CAMSAP1: variants seen among roughly 807,000 people sequenced by gnomAD.
The protein encoded by CAMSAP1 is calmodulin-regulated spectrin-associated protein 1.
In CAMSAP1, 58 loss-of-function variants were observed where a neutral mutation model predicts 143.5. That is an observed-to-expected ratio of 0.40 (90% CI 0.33 to 0.50). The LOEUF is 0.50. CAMSAP1 is among the 20% of genes least tolerant of loss of function. The pLI is 0.45. For missense variants in CAMSAP1, 1,969 were observed against 2,115.7 expected (o/e 0.93, Z 1.36); for synonymous variants, 945 against 859.3 (o/e 1.10, Z -1.74).
chr9:135,885,550 T>G (rs1464718713), intron 1 of CAMSAP1, among the ~76,000 whole-genome samples: 7 of 152,140 alleles, frequency 4.6e-5, no homozygotes, highest in African/African-American at 7.2e-5. Flanking sequence ...CCAGGGAGAA[T>G]GGCAGAGCCT....
At chr9:135,815,418 A>C (rs1157257417) in intron 15 of CAMSAP1, among the ~76,000 whole-genome samples, 1 of 152,256 alleles carries the variant, frequency 6.6e-6, no homozygotes, top group Admixed American at 6.5e-5. Flanking sequence ...CTAAAGACAA[A>C]GTAATCAATA....
intron 7 of CAMSAP1, chr9:135,836,751 A>G (rs1588459122): frequency 1.0e-6 from 1 of 974,450 alleles, no homozygotes; most frequent in Non-Finnish European, 1.2e-6. Flanking sequence ...ACAGCCACAC[A>G]TTGTCACGTA....
At chr9:135,862,901 A>G (rs1837248802) in intron 4 of CAMSAP1, among the ~76,000 whole-genome samples, 1 of 152,178 alleles carries the variant, frequency 6.6e-6, no homozygotes, top group Non-Finnish European at 1.5e-5. Flanking sequence ...GGCTGCCACT[A>G]GTGCAGGCAC....
Position 135,907,507 on chromosome 9 carries a change from A to ACAGCGG in CAMSAP1, c.-354_-349dup, listed in dbSNP as rs1838825728. ...TCCCGGGTGAGCGGCGGCGGCGGCG[A>ACAGCGG]CAGCGGCTGAGGCGGTGGCCAAGGA... On this transcript the variant is annotated 5_prime_UTR_variant, in exon 1 of 17. Coordinates refer to ENST00000389532, the MANE Select transcript of CAMSAP1 (RefSeq NM_015447.4). Among the ~76,000 whole-genome samples, 1 of 144,876 alleles carries ACAGCGG rather than the reference A, an allele frequency of 6.9e-6. No individual in the cohort carries two copies. The highest frequency in any genetic ancestry group is 1.5e-5 in the Non-Finnish European group (1 of 65,610).
At position 135,818,680 on chromosome 9, in the gene CAMSAP1, C is replaced by T; in HGVS notation, c.3960-64G>A. 4 of 1,548,188 alleles carry T rather than the reference C, an allele frequency of 2.6e-6. No individual in the cohort carries two copies. The highest frequency in any genetic ancestry group is 3.5e-6 in the Non-Finnish European group (4 of 1,140,328). On this transcript the variant is annotated intron_variant, in intron 12 of 16. Transcript: ENST00000389532. The surrounding 1 kb of genome is among the most constrained non-coding windows in gnomAD (Gnocchi z 7.7). ...GGCTTCTTCCACGACGCCTGCGCCG[C>T]GGCGCTCTGTCCAGGCGCGTTTCTC...
At position 135,875,640 on chromosome 9, in the gene CAMSAP1, T is replaced by C. The variant is rs1407618098; in HGVS notation, c.585+5993A>G. 2.0e-5 allele frequency among the ~76,000 whole-genome samples: 3 copies of C among 152,200 alleles called. No individual in the cohort carries two copies. In the East Asian group the frequency reaches 5.8e-4, roughly 29 times the overall value. On this transcript the variant is annotated intron_variant, in intron 3 of 16. Coordinates refer to ENST00000389532, the MANE Select transcript of CAMSAP1 (RefSeq NM_015447.4). ...GAATCCAGAAACAGACTCACATATA[T>C]GTGGTTTACTGATTGTCAACAAAGA...
chr9:135,900,342 T>C (rs1339170667), intron 1 of CAMSAP1, among the ~76,000 whole-genome samples: 3 of 152,052 alleles, frequency 2.0e-5, no homozygotes, highest in African/African-American at 4.8e-5. Flanking sequence ...AAGTTTAATT[T>C]TGACTAGTTG....
At chr9:135,859,276 G>A (rs1246556349) in intron 5 of CAMSAP1, among the ~76,000 whole-genome samples, 4 of 152,222 alleles carry the variant, frequency 2.6e-5, no homozygotes, top group African/African-American at 4.8e-5. Context: ...AGTGGCTGGT[G>A]CACTGGATGA....
In CAMSAP1 at chr9:135,819,068, C is replaced by A; in HGVS notation, c.3901G>T (p.Ala1301Ser). Residue 1301 changes from alanine (A) to serine (S), a missense_variant, in exon 12 of 17, where the codon GCC becomes TCC. Ala to Ser is a moderately conservative substitution (Grantham distance 99, BLOSUM62 1). Coordinates refer to ENST00000389532, the MANE Select transcript of CAMSAP1 (RefSeq NM_015447.4). ...TCCAGCTGCTGCTTGCGCACGCGGG[C>A]CTCCTCGGCCTTGCGCTGCTGCTTC... Reference protein sequence around the residue: ...LLKQQRKAEEARVRKQQLEAE... With the variant: ...LLKQQRKAEESRVRKQQLEAE... The A allele has an allele frequency of 6.2e-7, 1 of 1,605,108 alleles. No homozygotes were observed. The highest frequency in any genetic ancestry group is 8.5e-7 in the Non-Finnish European group (1 of 1,177,486).
At chr9:135,866,934 A>G (rs1271390162) in intron 3 of CAMSAP1, among the ~76,000 whole-genome samples, 1 of 152,384 alleles carries the variant, frequency 6.6e-6, no homozygotes, top group South Asian at 2.1e-4. Context: ...AACTTGTGAC[A>G]GGATGGGTCA....
chr9:135,895,007 G>A (rs1291808903), intron 1 of CAMSAP1, among the ~76,000 whole-genome samples: 1 of 152,170 alleles, frequency 6.6e-6, no homozygotes, highest in African/African-American at 2.4e-5. Flanking sequence ...GATGACAGAA[G>A]ACAGAATCAT....
chr9:135,854,202 T>C (rs1438469974), intron 5 of CAMSAP1, among the ~76,000 whole-genome samples: 1 of 152,172 alleles, frequency 6.6e-6, no homozygotes, highest in Non-Finnish European at 1.5e-5. Context: ...CTGAGTCCGT[T>C]TCCTTTGTAG....
chr9:135,812,317 T>C (rs979010856), intron 16 of CAMSAP1, among the ~76,000 whole-genome samples: 2 of 152,012 alleles, frequency 1.3e-5, no homozygotes, highest in African/African-American at 4.8e-5. Flanking sequence ...GAGCATGCAA[T>C]GGAGCATTAC....
intron 3 of CAMSAP1, among the ~76,000 whole-genome samples, chr9:135,867,983 A>G (rs1360449160): frequency 1.3e-5 from 2 of 152,224 alleles, no homozygotes; most frequent in Non-Finnish European, 2.9e-5. Flanking sequence ...TGGAGCAAGA[A>G]CCCAGTCCCA....
chr9:135,850,207 C>T lies in CAMSAP1; in HGVS notation c.975G>A (p.Glu325=). Residue 325 remains glutamate, a synonymous_variant, in exon 7 of 17, where the codon GAG becomes GAA. Coordinates refer to ENST00000389532, the MANE Select transcript of CAMSAP1 (RefSeq NM_015447.4). ...TGACATTCTCGAACCACCAAAAAAG[C>T]TCCGCAATAAAAACCATAACATTCG... The part of the protein sequence containing the change: ...LKPNVMVFIA[E]LFWWFENVKP... The T allele has an allele frequency of 6.2e-7, 1 of 1,612,998 alleles. No individual in the cohort carries two copies. The highest frequency in any genetic ancestry group is 8.5e-7 in the Non-Finnish European group (1 of 1,179,518).
At chr9:135,836,689 A>G (rs1295857789) in intron 7 of CAMSAP1, 4 of 940,518 alleles carry the variant, frequency 4.3e-6, no homozygotes, top group East Asian at 1.4e-4. Context: ...GTCACCACGC[A>G]CTTCTACCCT....
At chr9:135,855,568 A>G (rs1049227731) in intron 5 of CAMSAP1, among the ~76,000 whole-genome samples, 3 of 151,130 alleles carry the variant, frequency 2.0e-5, no homozygotes, top group East Asian at 2.0e-4. Context: ...GCGAAACCCC[A>G]TCTCTACTAA....
At chr9:135,819,543 A>T (rs1196938162) in intron 11 of CAMSAP1, among the ~76,000 whole-genome samples, 3 of 152,032 alleles carry the variant, frequency 2.0e-5, no homozygotes, top group Admixed American at 2.0e-4. Context: ...TATTAAAAAT[A>T]CAAAAATTGG....
At chr9:135,866,320 G>A (rs775539959) in intron 4 of CAMSAP1, 136 bp downstream of exon 4, 6 of 606,776 alleles carry the variant, frequency 9.9e-6, no homozygotes, top group Non-Finnish European at 1.8e-5. Context: ...AGCCCACCAG[G>A]TGAATCCAAG....
Sources: allele counts gnomAD v4.1 joint callset (sites outside exome capture counted in the v4.1 genomes callset), GRCh38; gene constraint gnomAD v4.1.1; non-coding constraint Gnocchi (gnomAD v3.1); transcripts MANE v1.5; gene names NCBI Gene and HGNC (gene_info 2026-07-23, HGNC 2026-07-21).